Variants in RUNX1 observed in about 807,000 individuals in gnomAD.
RUNX1 encodes runt-related transcription factor 1.
RUNX1 carries 19 observed loss-of-function variants against 42.8 expected under a neutral mutation model. The ratio of observed to expected loss-of-function variants is 0.44; its 90% CI spans 0.31 to 0.65. The LOEUF (loss-of-function observed/expected upper bound fraction) is 0.65. Ranked by LOEUF, RUNX1 falls within the 30% of genes least tolerant of loss-of-function variation. The pLI, the probability that RUNX1 is intolerant of heterozygous loss-of-function variation, is 0.07. For missense variants in RUNX1, 528 were observed against 672.0 expected (o/e 0.79, Z 2.37); for synonymous variants, 271 against 289.4 (o/e 0.94, Z 0.64).
At chr21:34,797,365 T>A (rs145690849) in intron 8 of RUNX1, among the ~76,000 whole-genome samples, 1 of 152,238 alleles carries the variant, frequency 6.6e-6, no homozygotes, top group African/African-American at 2.4e-5. Flanking sequence ...GGAGTGCACA[T>A]GTTACTCATT....
chr21:35,034,316 T>C (rs948364774), intron 2 of RUNX1, among the ~76,000 whole-genome samples: 1 of 152,238 alleles, frequency 6.6e-6, no homozygotes, highest in African/African-American at 2.4e-5. Flanking sequence ...GTCGGGGACA[T>C]GGCTGATGGT....
rs1408494933 is a variant in RUNX1 at position 34,901,282 on chromosome 21, C to T, written c.59-8319G>A. ...ATCCCAGCACTTTGGGAGGCAGAGGCGGGTGGATCATGAGGTCAAGAGTTT... is the reference window on the plus strand; with the variant it reads ...ATCCCAGCACTTTGGGAGGCAGAGGTGGGTGGATCATGAGGTCAAGAGTTT... On this transcript the variant is annotated intron_variant, in intron 2 of 8. Coordinates refer to ENST00000675419, the MANE Select transcript of RUNX1 (RefSeq NM_001754.5). This position sits in a 1 kb window ranked among gnomAD's most constrained non-coding sequence, Gnocchi z 4.3. Among the ~76,000 whole-genome samples, 3 of 151,820 alleles carry T rather than the reference C, an allele frequency of 2.0e-5. No homozygotes were observed. Among genetic ancestry groups the T allele is most frequent in the Non-Finnish European group, 4.4e-5 (3 of 67,944 alleles).
intron 8 of RUNX1, chr21:34,798,101 CACA>C (rs1201745153): frequency 6.6e-6 from 3 of 456,518 alleles, no homozygotes; most frequent in African/African-American, 6.0e-5. Flanking sequence ...GTCTGGAAAA[CACA>C]ACATTACACA....
At chr21:34,822,836 C>T (rs916308298) in intron 7 of RUNX1, among the ~76,000 whole-genome samples, 6 of 152,184 alleles carry the variant, frequency 3.9e-5, no homozygotes, top group African/African-American at 9.7e-5. Flanking sequence ...TATAATCCCG[C>T]GAGACTTAAT....
At chr21:35,045,198 CT>C (rs66741314) in intron 2 of RUNX1, among the ~76,000 whole-genome samples, 21,666 of 149,266 alleles carry the variant, frequency 0.15, 1,802 homozygotes, top group East Asian at 0.4. Flanking sequence ...TTTATCACAC[CT>C]TTTTTTTTTA....
intron 2 of RUNX1, among the ~76,000 whole-genome samples, chr21:35,015,264 G>C (rs881387): frequency 2.0e-5 from 3 of 151,982 alleles, no homozygotes; most frequent in Non-Finnish European, 4.4e-5. Context: ...GTTAAACTTG[G>C]TAATATATGG....
intron 5 of RUNX1, among the ~76,000 whole-genome samples, chr21:34,872,894 G>A (rs1282029054): frequency 6.6e-6 from 1 of 152,062 alleles, no homozygotes; most frequent in Non-Finnish European, 1.5e-5. Flanking sequence ...ACCCCAGCTG[G>A]GAAACACTGA....
chr21:35,001,296 TGA>T (rs940193125), intron 2 of RUNX1, among the ~76,000 whole-genome samples: 3 of 132,884 alleles, frequency 2.3e-5, no homozygotes, highest in Non-Finnish European at 4.7e-5. Flanking sequence ...TTATTTTTTT[TGA>T]GTTATGGTTT....
intron 7 of RUNX1, among the ~76,000 whole-genome samples, chr21:34,825,528 G>A (rs904680475): frequency 1.3e-5 from 2 of 152,148 alleles, no homozygotes; most frequent in African/African-American, 2.4e-5. Context: ...ATAGTAACAC[G>A]ATTGGGGCAT....
chr21:34,862,979 T>C (rs2057599110), intron 5 of RUNX1, among the ~76,000 whole-genome samples: 2 of 152,218 alleles, frequency 1.3e-5, no homozygotes, highest in South Asian at 4.1e-4. Flanking sequence ...AATGGTTGCA[T>C]TCATAATACT....
At chr21:34,994,983 C>T (rs778706607) in intron 2 of RUNX1, among the ~76,000 whole-genome samples, 15 of 152,214 alleles carry the variant, frequency 9.9e-5, no homozygotes, top group Non-Finnish European at 2.1e-4. Flanking sequence ...CAGACAGGCC[C>T]GTGAACAGGG....
intron 2 of RUNX1, among the ~76,000 whole-genome samples, chr21:34,914,692 T>C (rs2058298394): frequency 6.6e-6 from 1 of 152,222 alleles, no homozygotes; most frequent in African/African-American, 2.4e-5. Flanking sequence ...TGTCTTCATG[T>C]GGCATGTTTT....
chr21:35,007,196 A>C (rs944610708), intron 2 of RUNX1, among the ~76,000 whole-genome samples: 6 of 152,336 alleles, frequency 3.9e-5, no homozygotes, highest in Middle Eastern at 3.4e-3. Flanking sequence ...TTAGTAAATT[A>C]ATCTCACGTG....
intron 7 of RUNX1, among the ~76,000 whole-genome samples, chr21:34,827,840 C>T (rs1455907024): frequency 3.9e-5 from 6 of 152,336 alleles, no homozygotes; most frequent in African/African-American, 1.2e-4. Flanking sequence ...TGGCTTCCTC[C>T]ACCTAGATTA....
chr21:34,995,102 G>A (rs1435588712), intron 2 of RUNX1, among the ~76,000 whole-genome samples: 3 of 152,228 alleles, frequency 2.0e-5, no homozygotes, highest in Admixed American at 2.0e-4. Context: ...ATGCCAAGCA[G>A]GCTGTGCCAT....
At chr21:34,937,423 T>C (rs2058494422) in intron 2 of RUNX1, among the ~76,000 whole-genome samples, 1 of 151,776 alleles carries the variant, frequency 6.6e-6, no homozygotes, top group African/African-American at 2.4e-5. Context: ...TGCCTATAAG[T>C]TAATCGATGA....
At position 34,792,625 on chromosome 21, in the gene RUNX1, A is replaced by G. The variant is rs1435393831; in HGVS notation, c.968-15T>C. On this transcript the variant is annotated splice_polypyrimidine_tract_variant and intron_variant, in intron 8 of 8. Transcript: ENST00000675419. This position sits in a 1 kb window ranked among gnomAD's most constrained non-coding sequence, Gnocchi z 6.9. ...GTCGGGTGCCGCTGCAGGGCGGGCA[A>G]GAGAACGGAGCGGAAGTGAGTAGGA... is the stretch of plus-strand genomic sequence containing the variant. 6 of 1,568,672 alleles carry G rather than the reference A, an allele frequency of 3.8e-6. No homozygotes were observed. In the East Asian group the frequency reaches 9.4e-5, roughly 25 times the overall value.
intron 2 of RUNX1, among the ~76,000 whole-genome samples, chr21:34,908,375 T>C (rs1569098596): frequency 6.6e-6 from 1 of 152,196 alleles, no homozygotes; most frequent in East Asian, 1.9e-4. Flanking sequence ...TTCCCATTAA[T>C]GATCTGAACT....
At position 34,792,471 on chromosome 21, in the gene RUNX1, C is replaced by T. The variant is rs1445295022; in HGVS notation, c.1107G>A (p.Ser369=). 1.9e-6 allele frequency: 3 copies of T among 1,585,696 alleles called. No individual in the cohort carries two copies. The highest frequency in any genetic ancestry group is 2.3e-5 in the East Asian group (1 of 43,430). The change falls in exon 9 of 9, where the codon TCG becomes TCA. Residue 369 remains serine, a synonymous_variant. Transcript: ENST00000675419. This position sits in a 1 kb window ranked among gnomAD's most constrained non-coding sequence, Gnocchi z 6.9. ...PVTSGIGIGM[S]AMGSATRYHT... Reference sequence around the variant, plus strand: ...GGTAGCGCGTGGCCGAGCCCATGGCCGACATGCCGATGCCGATGCCCGAGG... The same window carrying T: ...GGTAGCGCGTGGCCGAGCCCATGGCTGACATGCCGATGCCGATGCCCGAGG...
Sources: allele counts gnomAD v4.1 joint callset (sites outside exome capture counted in the v4.1 genomes callset), GRCh38; gene constraint gnomAD v4.1.1; non-coding constraint Gnocchi (gnomAD v3.1); transcripts MANE v1.5; gene names NCBI Gene and HGNC (gene_info 2026-07-23, HGNC 2026-07-21).